Variants in THYN1 observed in about 807,000 individuals in gnomAD.
THYN1 encodes thymocyte nuclear protein 1.
THYN1 carries 32 observed loss-of-function variants against 30.6 expected under a neutral mutation model. The observed-to-expected ratio is 1.05, with a 90% CI of 0.79 to 1.40. THYN1 has a LOEUF of 1.40. Among genes scored for constraint, THYN1 ranks in the 40% most tolerant of loss-of-function variants. The pLI is 0.00. For missense variants in THYN1, 259 were observed against 272.6 expected, an observed-to-expected ratio of 0.95 and a Z score of 0.35; for synonymous variants, 107 against 90.8, an observed-to-expected ratio of 1.18 and a Z score of -1.01.
intron 4 of THYN1, 60 bp downstream of exon 4, chr11:134,249,768 T>C: frequency 6.6e-7 from 1 of 1,523,572 alleles, no homozygotes; most frequent in East Asian, 2.3e-5. Flanking sequence ...TCCCTTTATA[T>C]CTACTTAAGT....
At position 134,250,270 on chromosome 11, in the gene THYN1, C is replaced by CT; in HGVS notation, c.291+4dup. ...TCTCAGGCGACCTCCTCCTTACCCT[C>CT]TTACCTGGTAGTTACGAACACCATC... On this transcript the variant is annotated splice_donor_region_variant and intron_variant, in intron 3 of 6. Transcript: ENST00000341541. The CT allele has an allele frequency of 6.2e-7, 1 of 1,614,166 alleles. No homozygotes were observed. Among genetic ancestry groups the CT allele is most frequent in the Non-Finnish European group, 8.5e-7 (1 of 1,180,000 alleles).
chr11:134,252,792 GAA>G (rs764809491), intron 1 of THYN1, 46 bp downstream of exon 1: 18 of 1,610,926 alleles, frequency 1.1e-5, no homozygotes, highest in South Asian at 3.3e-5. Context: ...GGCTCTTCGA[GAA>G]AAGTTTTTTC....
In THYN1 at chr11:134,249,256, T is replaced by C. The variant is rs770359549; in HGVS notation, c.391A>G (p.Lys131Glu). The C allele has an allele frequency of 6.2e-7, 1 of 1,614,212 alleles. No individual in the cohort carries two copies. The highest frequency in any genetic ancestry group is 1.1e-5 in the South Asian group (1 of 91,084). ...PGIAGLMKIV[K>E]EAYPDHTQFE... is the part of the protein sequence containing the mutation. ...TGTGTGTGGTCTGGGTAAGCCTCTT[T>C]CACGATCTGAAACCAAAACAAAAGC... Residue 131 changes from lysine to glutamate, a missense_variant, in exon 5 of 7, where the codon AAA (lysine) becomes GAA (glutamate). Lys to Glu is a moderately conservative substitution (Grantham distance 56, BLOSUM62 1). Transcript: ENST00000341541.
At chr11:134,249,781 G>T in intron 4 of THYN1, 47 bp downstream of exon 4, 1 of 1,572,320 alleles carries the variant, frequency 6.4e-7, no homozygotes, top group Non-Finnish European at 8.7e-7. Context: ...ACTTAAGTTA[G>T]TCTCCCTGGA....
chr11:134,250,376 C>T, intron 2 of THYN1, 33 bp from the exon 3 acceptor site: 2 of 1,612,936 alleles, frequency 1.2e-6, no homozygotes, highest in South Asian at 1.1e-5. Context: ...AATCATTAAA[C>T]AATCCTTGGC....
intron 6 of THYN1, 29 bp downstream of exon 6, chr11:134,248,780 G>A (rs977391403): frequency 1.2e-6 from 2 of 1,612,572 alleles, no homozygotes; most frequent in Admixed American, 3.3e-5. Context: ...TCTGGTATAT[G>A]GACAATAAAG....
At position 134,249,173 on chromosome 11, in the gene THYN1, C is replaced by CCA; in HGVS notation, c.472_473dup (p.Trp158CysfsTer12). 1 of 1,611,916 alleles carries CCA rather than the reference C, an allele frequency of 6.2e-7. No homozygotes were observed. Among genetic ancestry groups the CCA allele is most frequent in the Non-Finnish European group, 8.5e-7 (1 of 1,179,166 alleles). On this transcript the variant is annotated frameshift_variant, in exon 5 of 7. Coordinates refer to ENST00000341541, the MANE Select transcript of THYN1 (RefSeq NM_014174.3). LOFTEE classifies it high-confidence loss of function. ...TAGAAAGCATAGTCTTTACCATGGA[C>CCA]CACTTAGGGTTGTCCTCTTTGCTAG...
intron 6 of THYN1, 38 bp downstream of exon 6, chr11:134,248,771 C>G (rs775348452): frequency 1.9e-6 from 3 of 1,608,184 alleles, no homozygotes; most frequent in African/African-American, 1.3e-5. Context: ...TGAGGTCATT[C>G]TGGTATATGG....
intron 3 of THYN1, 69 bp from the exon 4 acceptor site, chr11:134,249,989 A>T: frequency 6.7e-7 from 1 of 1,493,690 alleles, no homozygotes; most frequent in Non-Finnish European, 9.2e-7. Context: ...AGCAGAAATC[A>T]AGTCTGCTTT....
In THYN1 at chr11:134,253,174, G is replaced by C; in HGVS notation, c.-292C>G. 7.5e-7 allele frequency: 1 copy of C among 1,338,268 alleles called. No homozygotes were observed. Among genetic ancestry groups the C allele is most frequent in the Non-Finnish European group, 9.5e-7 (1 of 1,048,404 alleles). The allele number at this position is 1,338,268 out of a possible 1,614,324, so 82.9% of individuals were successfully genotyped here. On this transcript the variant is annotated 5_prime_UTR_variant, in exon 1 of 7. Transcript: ENST00000341541. ...ATCTCAGTATGTAGTTCACTGGGAA[G>C]TGGCTCCACAGAGACACTTTTGTTG...
In THYN1 at chr11:134,249,027, C is replaced by T. The variant is rs548126995; in HGVS notation, c.481-68G>A. 3.1e-5 allele frequency: 49 copies of T among 1,592,414 alleles called. No homozygotes were observed. The East Asian group carries it at 7.8e-4, about 25-fold the overall frequency. Reference sequence around the variant, plus strand: ...TGACTGTGCCCACTGTATTTTTAACCGCCCACAGGAAGCTCCTATCTCAGT... The same window carrying T: ...TGACTGTGCCCACTGTATTTTTAACTGCCCACAGGAAGCTCCTATCTCAGT... On this transcript the variant is annotated intron_variant, in intron 5 of 6. Transcript: ENST00000341541.
chr11:134,251,413 C>G, intron 1 of THYN1, 105 bp from the exon 2 acceptor site: 1 of 1,262,894 alleles, frequency 7.9e-7, no homozygotes. Flanking sequence ...AATCATGGAT[C>G]CATTACCAGC....
At chr11:134,252,437 G>A (rs1253141998) in intron 1 of THYN1, among the ~76,000 whole-genome samples, 3 of 152,068 alleles carry the variant, frequency 2.0e-5, no homozygotes, top group African/African-American at 4.8e-5. Context: ...AACTTTGCCC[G>A]TGGAAAGTCT....
At chr11:134,248,750 G>C in intron 6 of THYN1, 59 bp downstream of exon 6, 1 of 1,600,106 alleles carries the variant, frequency 6.2e-7, no homozygotes, top group South Asian at 1.1e-5. Flanking sequence ...CAGCTAGTAA[G>C]TGGGAATTCA....
At position 134,249,275 on chromosome 11, in the gene THYN1, C is replaced by G; in HGVS notation, c.385-13G>C. On this transcript the variant is annotated splice_polypyrimidine_tract_variant and intron_variant, in intron 4 of 6. Coordinates refer to ENST00000341541, the MANE Select transcript of THYN1 (RefSeq NM_014174.3). The stretch of plus-strand genomic sequence containing the variant: ...CCTCTTTCACGATCTGAAACCAAAA[C>G]AAAAGCTTTGAATCATCTGCCTGCA... The G allele has an allele frequency of 6.2e-7, 1 of 1,613,944 alleles. No homozygotes were observed. Among genetic ancestry groups the G allele is most frequent in the Non-Finnish European group, 8.5e-7 (1 of 1,179,800 alleles).
chr11:134,253,322 C>A lies in THYN1; in HGVS notation c.-440G>T. The stretch of plus-strand genomic sequence containing the variant: ...ACCCAACACTCTGCAGACTCGACTG[C>A]GGTCCGCCTCCGCTGCGCCGCAGGC... On this transcript the variant is annotated 5_prime_UTR_variant, in exon 1 of 7. Coordinates refer to ENST00000341541, the MANE Select transcript of THYN1 (RefSeq NM_014174.3). The A allele has an allele frequency of 7.2e-7, 1 of 1,398,588 alleles. No individual in the cohort carries two copies. The highest frequency in any genetic ancestry group is 3.0e-5 in the Admixed American group (1 of 33,250). 86.6% of individuals were successfully genotyped at this position (1,398,588 alleles called of 1,614,324 possible).
chr11:134,251,055 A>C, intron 2 of THYN1, 75 bp downstream of exon 2: 1 of 1,433,592 alleles, frequency 7.0e-7, no homozygotes, highest in South Asian at 1.4e-5. Context: ...TGGGGATGGA[A>C]CCCTATGGTG....
chr11:134,248,419 T>A lies in THYN1; in HGVS notation c.*19A>T. The A allele has an allele frequency of 6.2e-7, 1 of 1,614,092 alleles. No individual in the cohort carries two copies. Among genetic ancestry groups the A allele is most frequent in the Non-Finnish European group, 8.5e-7 (1 of 1,180,014 alleles). ...TTCTTTGCAGCAATGTCTCGCCCAT[T>A]CCAGCAGCAGTATCTCAGTTAACTT... On this transcript the variant is annotated 3_prime_UTR_variant, in exon 7 of 7. Coordinates refer to ENST00000341541, the MANE Select transcript of THYN1 (RefSeq NM_014174.3).
rs143788644 is a variant in THYN1 at position 134,249,395 on chromosome 11, G to C, written c.385-133C>G. 4.2e-4 allele frequency: 333 copies of C among 788,250 alleles called. 2 individuals carry two copies. In the African/African-American group the frequency reaches 5.0e-3, roughly 12 times the overall value. The allele number at this position is 788,250 out of a possible 1,614,324, so 48.8% of individuals were successfully genotyped here. A position where few individuals can be genotyped will look rare whatever the true frequency, so the allele number is the denominator to read the frequency against. On this transcript the variant is annotated intron_variant, in intron 4 of 6. Transcript: ENST00000341541. ...CTGCCTTGCTGTACAGCCAATGGGG[G>C]CTCAGATATTTGGAAACAATATATA...
Sources: gnomAD v4.1 joint callset for allele counts (sites outside exome capture counted in the v4.1 genomes callset) on GRCh38, gnomAD v4.1.1 for gene constraint, MANE v1.5 for transcripts, NCBI Gene and HGNC (gene_info 2026-07-23, HGNC 2026-07-21) for gene names.